The following ARSB variants were observed in gnomAD, a reference collection of about 807,000 sequenced individuals.
ARSB encodes the protein arylsulfatase B.
A neutral mutation model predicts 50.9 loss-of-function variants in ARSB; 41 were observed. The ratio of observed to expected loss-of-function variants is 0.81; its 90% CI spans 0.63 to 1.04. ARSB has a LOEUF of 1.04. Ranked by LOEUF, ARSB falls within the 50% of genes least tolerant of loss-of-function variation. The pLI is 0.00. For missense variants in ARSB, 672 were observed against 693.3 expected, an observed-to-expected ratio of 0.97 and a Z score of 0.35; for synonymous variants, 269 against 284.8, an observed-to-expected ratio of 0.94 and a Z score of 0.56.
At chr5:78,792,872 G>C (rs1743026182) in intron 6 of ARSB, among the ~76,000 whole-genome samples, 1 of 152,164 alleles carries the variant, frequency 6.6e-6, no homozygotes, top group Non-Finnish European at 1.5e-5. Context: ...TGTGAGATCT[G>C]AACCAGCTGC....
chr5:78,806,909 C>T (rs540068202), intron 6 of ARSB, among the ~76,000 whole-genome samples: 57 of 152,314 alleles, frequency 3.7e-4, no homozygotes, highest in African/African-American at 8.2e-4. Flanking sequence ...TAAGACTCCA[C>T]CAGCTGGCAT....
intron 6 of ARSB, among the ~76,000 whole-genome samples, chr5:78,834,771 C>A (rs1744872003): frequency 6.6e-6 from 1 of 151,328 alleles, no homozygotes; most frequent in Non-Finnish European, 1.5e-5. Flanking sequence ...GTTCAAGCCC[C>A]TGCTTTTAAT....
At chr5:78,972,191 G>T (rs1381794324) in intron 1 of ARSB, among the ~76,000 whole-genome samples, 6 of 152,108 alleles carry the variant, frequency 3.9e-5, no homozygotes, top group Non-Finnish European at 8.8e-5. Flanking sequence ...ACGCTGCTTA[G>T]CCTGGCTACA....
intron 1 of ARSB, among the ~76,000 whole-genome samples, chr5:78,984,509 G>A (rs1448118540): frequency 6.6e-6 from 1 of 152,156 alleles, no homozygotes; most frequent in African/African-American, 2.4e-5. Flanking sequence ...GGGTTCCCAC[G>A]GGCCAGGGTC....
chr5:78,862,104 C>G (rs755723203), intron 5 of ARSB, among the ~76,000 whole-genome samples: 134 of 151,980 alleles, frequency 8.8e-4, no homozygotes, highest in African/African-American at 3.1e-3. Context: ...CACTGCTCAA[C>G]GAAATAAAAG....
intron 4 of ARSB, among the ~76,000 whole-genome samples, chr5:78,938,495 G>A (rs1413523814): frequency 2.6e-5 from 4 of 152,126 alleles, no homozygotes; most frequent in Non-Finnish European, 5.9e-5. Context: ...ATAGAATGTG[G>A]ACACACTCAC....
intron 5 of ARSB, among the ~76,000 whole-genome samples, chr5:78,860,909 A>G (rs1301994545): frequency 6.6e-6 from 1 of 152,238 alleles, no homozygotes; most frequent in Non-Finnish European, 1.5e-5. Context: ...AATAGACACA[A>G]TAAAAAATGA....
At chr5:78,807,008 C>T (rs1459751893) in intron 6 of ARSB, among the ~76,000 whole-genome samples, 1 of 152,208 alleles carries the variant, frequency 6.6e-6, no homozygotes, top group African/African-American at 2.4e-5. Context: ...GTGGTCTGCA[C>T]TGGCAGAAAG....
chr5:78,881,828 G>A (rs1179856590), intron 5 of ARSB, among the ~76,000 whole-genome samples: 1 of 152,188 alleles, frequency 6.6e-6, no homozygotes, highest in East Asian at 1.9e-4. Flanking sequence ...TGAAAAATCA[G>A]TTCACAAAAG....
At chr5:78,815,078 ATTAT>A (rs1380926917) in intron 6 of ARSB, among the ~76,000 whole-genome samples, 3 of 151,034 alleles carry the variant, frequency 2.0e-5, no homozygotes, top group Non-Finnish European at 3.0e-5. Context: ...AGGCGTTGGG[ATTAT>A]TTAGTCTTGT....
intron 5 of ARSB, among the ~76,000 whole-genome samples, chr5:78,850,695 C>G (rs1413347025): frequency 8.5e-5 from 13 of 152,188 alleles, no homozygotes; most frequent in South Asian, 8.3e-4. Context: ...GTCTTGGACT[C>G]TTTTTGGTTG....
chr5:78,797,445 C>A lies in ARSB; in HGVS notation c.1214-15471G>T, dbSNP rs569897110. ...CCATAGTGCCTCTAGCCCAGGTGAA[C>A]CTGCACAGTAACAAAGCCCAGCCTT... On this transcript the variant is annotated intron_variant, in intron 6 of 7. Coordinates refer to ENST00000264914, the MANE Select transcript of ARSB (RefSeq NM_000046.5). Among the ~76,000 whole-genome samples, 79 of 152,316 alleles carry A rather than the reference C, an allele frequency of 5.2e-4. No homozygotes were observed. The Middle Eastern group carries it at 0.014, about 26-fold the overall frequency.
chr5:78,890,025 T>C (rs1201850485), intron 4 of ARSB, among the ~76,000 whole-genome samples: 1 of 152,110 alleles, frequency 6.6e-6, no homozygotes, highest in African/African-American at 2.4e-5. Flanking sequence ...GTAGGCAACA[T>C]CGTTTCAAAA....
intron 5 of ARSB, among the ~76,000 whole-genome samples, chr5:78,878,239 A>G (rs2112181614): frequency 6.6e-6 from 1 of 152,376 alleles, no homozygotes; most frequent in Non-Finnish European, 1.5e-5. Flanking sequence ...TTAATTTAAC[A>G]AAATAATTCT....
intron 6 of ARSB, chr5:78,815,413 G>A: frequency 2.1e-6 from 1 of 471,786 alleles, no homozygotes; most frequent in Non-Finnish European, 2.8e-6. Flanking sequence ...GAAGAGAGCA[G>A]GCCACAAAGA....
At chr5:78,952,685 A>G (rs1285751800) in intron 4 of ARSB, among the ~76,000 whole-genome samples, 1 of 152,212 alleles carries the variant, frequency 6.6e-6, no homozygotes, top group Non-Finnish European at 1.5e-5. Flanking sequence ...ACTTAGAGAT[A>G]TTTAATACAG....
chr5:78,906,198 T>C lies in ARSB; in HGVS notation c.899-20371A>G, dbSNP rs1396758501. Among the ~76,000 whole-genome samples, 2 of 150,462 alleles carry C rather than the reference T, an allele frequency of 1.3e-5. 1 individual carries two copies. The highest frequency in any genetic ancestry group is 3.0e-5 in the Non-Finnish European group (2 of 67,756). On this transcript the variant is annotated intron_variant, in intron 4 of 7. Transcript: ENST00000264914. ...AAAAAAAAAAATTAGCCAAGTGTAGTGGTGCATGACTGCAGTCCCAGCTAT... is the reference window on the plus strand; with the variant it reads ...AAAAAAAAAAATTAGCCAAGTGTAGCGGTGCATGACTGCAGTCCCAGCTAT...
At chr5:78,877,713 A>G (rs1561478030) in intron 5 of ARSB, among the ~76,000 whole-genome samples, 1 of 152,192 alleles carries the variant, frequency 6.6e-6, no homozygotes, top group East Asian at 1.9e-4. Flanking sequence ...ACAAGAATAC[A>G]AAAATATCCA....
intron 1 of ARSB, among the ~76,000 whole-genome samples, chr5:78,979,723 T>C (rs1752817233): frequency 6.6e-6 from 1 of 152,174 alleles, no homozygotes; most frequent in African/African-American, 2.4e-5. Flanking sequence ...TTCATGGCCA[T>C]GGGACAGACA....
Sources: gnomAD v4.1 joint callset for allele counts (sites outside exome capture counted in the v4.1 genomes callset) on GRCh38, gnomAD v4.1.1 for gene constraint, MANE v1.5 for transcripts, NCBI Gene and HGNC (gene_info 2026-07-23, HGNC 2026-07-21) for gene names.